Variants in RARB observed in about 807,000 individuals in gnomAD.
RARB encodes the protein retinoic acid receptor beta.
A neutral mutation model predicts 51.9 loss-of-function variants in RARB; 17 were observed. The ratio of observed to expected loss-of-function variants is 0.33; its 90% CI spans 0.22 to 0.49. The LOEUF (loss-of-function observed/expected upper bound fraction) is 0.49. Ranked by LOEUF, RARB falls within the 20% of genes least tolerant of loss-of-function variation. The pLI is 0.99. For synonymous variants in RARB, 215 were observed against 195.4 expected, an observed-to-expected ratio of 1.10 and a Z score of -0.84; for missense variants, 369 against 550.8, an observed-to-expected ratio of 0.67 and a Z score of 3.30.
At chr3:24,856,712 A>T (rs1388962146) in intron 1 of RARB, among the ~76,000 whole-genome samples, 2 of 152,204 alleles carry the variant, frequency 1.3e-5, no homozygotes, top group African/African-American at 4.8e-5. Context: ...AACCAAAAAG[A>T]TTAAATCTTA....
chr3:24,859,036 C>CAAA (rs1169235713), intron 2 of RARB, among the ~76,000 whole-genome samples: 8 of 50,294 alleles, frequency 1.6e-4, no homozygotes, highest in Non-Finnish European at 2.1e-4. Flanking sequence ...GACTCTGTCT[C>CAAA]AAAAAAAAAA....
chr3:25,234,521 C>T (rs891590969), intron 5 of RARB, among the ~76,000 whole-genome samples: 4 of 151,938 alleles, frequency 2.6e-5, no homozygotes, highest in African/African-American at 9.7e-5. Context: ...CTATTCTATT[C>T]TTCTATCTAT....
At chr3:24,993,173 A>G (rs1416493301) in intron 2 of RARB, among the ~76,000 whole-genome samples, 2 of 152,152 alleles carry the variant, frequency 1.3e-5, no homozygotes, top group Non-Finnish European at 2.9e-5. Flanking sequence ...TGACATGATG[A>G]TTCTGGTGAA....
At chr3:25,156,997 C>T (rs1311866873) in intron 4 of RARB, among the ~76,000 whole-genome samples, 1 of 152,134 alleles carries the variant, frequency 6.6e-6, no homozygotes, top group Non-Finnish European at 1.5e-5. Context: ...AAATAATGAC[C>T]ACGTTCATAC....
intron 2 of RARB, among the ~76,000 whole-genome samples, chr3:24,942,437 A>G (rs927192821): frequency 6.6e-6 from 1 of 152,222 alleles, no homozygotes; most frequent in South Asian, 2.1e-4. Flanking sequence ...TGGGATGCAC[A>G]CAGACTCGAG....
At chr3:25,375,219 T>C (rs2125474930) in intron 5 of RARB, among the ~76,000 whole-genome samples, 1 of 152,304 alleles carries the variant, frequency 6.6e-6, no homozygotes, top group Admixed American at 6.5e-5. Context: ...AGGCAATAAA[T>C]ACAGGACCCT....
chr3:25,267,158 T>C (rs1703146254), intron 5 of RARB, among the ~76,000 whole-genome samples: 1 of 152,222 alleles, frequency 6.6e-6, no homozygotes, highest in African/African-American at 2.4e-5. Flanking sequence ...GTACCGAGTG[T>C]TCTACAGGGA....
intron 3 of RARB, among the ~76,000 whole-genome samples, chr3:25,505,187 T>G (rs990590472): frequency 6.6e-6 from 1 of 152,218 alleles, no homozygotes; most frequent in Non-Finnish European, 1.5e-5. Context: ...TTGGCAGATG[T>G]GGAAGCTGAG....
chr3:25,040,729 G>T (rs1440879562), intron 2 of RARB, among the ~76,000 whole-genome samples: 2 of 152,038 alleles, frequency 1.3e-5, no homozygotes, highest in African/African-American at 2.4e-5. Flanking sequence ...CTTCAGCCTG[G>T]GTGACAGTGA....
At chr3:24,947,948 T>C (rs1695810189) in intron 2 of RARB, among the ~76,000 whole-genome samples, 1 of 152,198 alleles carries the variant, frequency 6.6e-6, no homozygotes, top group African/African-American at 2.4e-5. Context: ...TTACCAATTT[T>C]TTTTTTTTCA....
At chr3:25,222,407 C>G (rs750060262) in intron 5 of RARB, among the ~76,000 whole-genome samples, 1 of 152,152 alleles carries the variant, frequency 6.6e-6, no homozygotes, top group Non-Finnish European at 1.5e-5. Context: ...AACTGAGTCA[C>G]TTGGTTCTTT....
At position 24,940,317 on chromosome 3, in the gene RARB, C is replaced by CA. The variant is rs1211045729; in HGVS notation, c.-380+81571dup. Reference sequence around the variant, plus strand: ...GTGGGTGGGAATTTCTTCATGGGCTCAAAAAAGACTCAGGACTAAGATACA... The same window carrying CA: ...GTGGGTGGGAATTTCTTCATGGGCTCAAAAAAAGACTCAGGACTAAGATACA... On this transcript the variant is annotated intron_variant, in intron 2 of 11. Transcript: ENST00000383772. 3.3e-5 allele frequency among the ~76,000 whole-genome samples: 5 copies of CA among 151,934 alleles called. No homozygotes were observed. In the East Asian group the frequency reaches 5.8e-4, roughly 18 times the overall value.
At chr3:24,963,825 G>A (rs1373131344) in intron 2 of RARB, among the ~76,000 whole-genome samples, 1 of 151,974 alleles carries the variant, frequency 6.6e-6, no homozygotes. Context: ...ACTTACTTAG[G>A]TGCAAACAAT....
intron 3 of RARB, among the ~76,000 whole-genome samples, chr3:25,525,196 A>G (rs187243929): frequency 1.1e-4 from 16 of 152,348 alleles, no homozygotes; most frequent in Admixed American, 2.0e-4. Context: ...GGAAAATAGA[A>G]CACTCAAAGA....
chr3:25,464,465 G>T (rs919470171), intron 2 of RARB, among the ~76,000 whole-genome samples: 1 of 152,164 alleles, frequency 6.6e-6, no homozygotes, highest in Non-Finnish European at 1.5e-5. Context: ...AATAAGGTCA[G>T]GTGAGTTCGG....
chr3:25,281,425 A>G (rs1016026051), intron 5 of RARB, among the ~76,000 whole-genome samples: 1 of 152,194 alleles, frequency 6.6e-6, no homozygotes, highest in Admixed American at 6.6e-5. Context: ...GTTTCCCTGT[A>G]ATCCATTTAG....
chr3:25,016,732 C>T (rs1697517263), intron 2 of RARB, among the ~76,000 whole-genome samples: 1 of 151,946 alleles, frequency 6.6e-6, no homozygotes, highest in African/African-American at 2.4e-5. Context: ...TTTTTTCCCC[C>T]CAGGATATGC....
chr3:25,045,045 C>T (rs564932972), intron 2 of RARB, among the ~76,000 whole-genome samples: 11 of 152,220 alleles, frequency 7.2e-5, no homozygotes, highest in South Asian at 4.1e-4. Context: ...AGACAAGTTT[C>T]GAAAACCTAA....
At chr3:25,030,037 G>A (rs1019057384) in intron 2 of RARB, among the ~76,000 whole-genome samples, 1 of 152,208 alleles carries the variant, frequency 6.6e-6, no homozygotes, top group Non-Finnish European at 1.5e-5. Flanking sequence ...TCCTCTGAGA[G>A]ACAGATATCT....
Sources: allele counts gnomAD v4.1 joint callset (sites outside exome capture counted in the v4.1 genomes callset), GRCh38; gene constraint gnomAD v4.1.1; transcripts MANE v1.5; gene names NCBI Gene and HGNC (gene_info 2026-07-23, HGNC 2026-07-21).